BFSP2: variants seen among roughly 807,000 people sequenced by gnomAD.
BFSP2 encodes the protein beaded filament structural protein 2.
BFSP2 carries 38 observed loss-of-function variants against 44.9 expected under a neutral mutation model. That is an observed-to-expected ratio of 0.85 (90% confidence interval 0.65 to 1.11). The LOEUF is 1.11. Among genes scored for constraint, BFSP2 ranks in the 50% least tolerant of loss-of-function variants. BFSP2 has a pLI of 0.00. For synonymous variants in BFSP2, 197 were observed against 209.9 expected (o/e 0.94, Z 0.53); for missense variants, 525 against 533.0 (o/e 0.99, Z 0.15).
chr3:133,438,788 G>A (rs1272620326), intron 1 of BFSP2, among the ~76,000 whole-genome samples: 1 of 152,184 alleles, frequency 6.6e-6, no homozygotes, highest in African/African-American at 2.4e-5. Flanking sequence ...CCTCCCAGAT[G>A]GGGTGGAAGC....
intron 4 of BFSP2, among the ~76,000 whole-genome samples, chr3:133,457,947 A>G (rs2074027099): frequency 6.6e-6 from 1 of 152,232 alleles, no homozygotes; most frequent in South Asian, 2.1e-4. Flanking sequence ...GAAATTAGTC[A>G]CTAACATGGT....
At chr3:133,412,001 T>A (rs1323554311) in intron 1 of BFSP2, among the ~76,000 whole-genome samples, 2 of 152,224 alleles carry the variant, frequency 1.3e-5, no homozygotes, top group Non-Finnish European at 2.9e-5. Flanking sequence ...GAGAAAGTAT[T>A]ACGAAAGTAT....
intron 5 of BFSP2, among the ~76,000 whole-genome samples, chr3:133,469,922 A>G (rs1167709033): frequency 6.6e-6 from 1 of 152,242 alleles, no homozygotes; most frequent in Admixed American, 6.5e-5. Flanking sequence ...AGCAAAAACT[A>G]TAGACAGATG....
chr3:133,431,482 G>A (rs1366770901), intron 1 of BFSP2, among the ~76,000 whole-genome samples: 2 of 152,022 alleles, frequency 1.3e-5, no homozygotes, highest in African/African-American at 2.4e-5. Flanking sequence ...CCATCTGTGC[G>A]GGACCCCACT....
intron 4 of BFSP2, among the ~76,000 whole-genome samples, chr3:133,457,186 C>A (rs1021730873): frequency 3.3e-5 from 5 of 152,188 alleles, no homozygotes; most frequent in African/African-American, 1.2e-4. Context: ...CTCCTGTGTG[C>A]CAATGAGCTG....
intron 1 of BFSP2, among the ~76,000 whole-genome samples, chr3:133,402,678 T>C (rs1344112681): frequency 6.6e-6 from 1 of 151,498 alleles, no homozygotes; most frequent in Non-Finnish European, 1.5e-5. Flanking sequence ...TCTCATTCTG[T>C]CACCCAGGCT....
chr3:133,414,671 ACTC>A (rs1472124255), intron 1 of BFSP2, among the ~76,000 whole-genome samples: 1 of 21,276 alleles, frequency 4.7e-5, no homozygotes, highest in Non-Finnish European at 9.0e-5. Flanking sequence ...CCCTCTACTC[ACTC>A]CTCTACTCAC....
chr3:133,431,466 C>T (rs901800339), intron 1 of BFSP2, among the ~76,000 whole-genome samples: 2 of 152,128 alleles, frequency 1.3e-5, no homozygotes, highest in African/African-American at 2.4e-5. Flanking sequence ...CCTCCTAAGC[C>T]GTGTCCCATC....
chr3:133,473,603 C>A (rs1016889212), intron 6 of BFSP2, among the ~76,000 whole-genome samples: 1 of 150,994 alleles, frequency 6.6e-6, no homozygotes, highest in South Asian at 2.1e-4. Context: ...GAGGACCCTG[C>A]GGCCTTCCGC....
At chr3:133,405,977 G>A (rs2073400499) in intron 1 of BFSP2, among the ~76,000 whole-genome samples, 1 of 152,078 alleles carries the variant, frequency 6.6e-6, no homozygotes, top group Non-Finnish European at 1.5e-5. Context: ...TTTATTTTTT[G>A]ATATGGAGTC....
intron 3 of BFSP2, among the ~76,000 whole-genome samples, chr3:133,450,016 A>AGGAAGGAG (rs1225503133): frequency 0.031 from 2,861 of 92,860 alleles, 37 homozygotes; most frequent in East Asian, 0.059. Flanking sequence ...GAAGGAAGGA[A>AGGAAGGAG]GGAGGGAGGG....
intron 1 of BFSP2, among the ~76,000 whole-genome samples, chr3:133,438,722 T>A (rs9822873): frequency 6.6e-6 from 1 of 152,004 alleles, no homozygotes; most frequent in Non-Finnish European, 1.5e-5. Flanking sequence ...AACTACAAAA[T>A]AGAGCAAGGA....
chr3:133,457,962 C>T (rs1463802718), intron 4 of BFSP2, among the ~76,000 whole-genome samples: 1 of 152,158 alleles, frequency 6.6e-6, no homozygotes, highest in Non-Finnish European at 1.5e-5. Context: ...CATGGTATAC[C>T]TCTCATTTCC....
chr3:133,443,411 T>C (rs1010605503), intron 1 of BFSP2, among the ~76,000 whole-genome samples: 5 of 151,172 alleles, frequency 3.3e-5, no homozygotes, highest in African/African-American at 1.2e-4. Flanking sequence ...CATTTAGAGG[T>C]CAGATAAGGA....
chr3:133,418,259 A>G (rs1392696525), intron 1 of BFSP2, among the ~76,000 whole-genome samples: 1 of 151,934 alleles, frequency 6.6e-6, no homozygotes, highest in Non-Finnish European at 1.5e-5. Flanking sequence ...CATTTTCATC[A>G]TCTTCATTCC....
At chr3:133,462,531 T>C (rs2074073625) in intron 4 of BFSP2, among the ~76,000 whole-genome samples, 1 of 152,210 alleles carries the variant, frequency 6.6e-6, no homozygotes, top group Non-Finnish European at 1.5e-5. Flanking sequence ...CTCCATTCCT[T>C]CCCTGGCTTT....
chr3:133,459,892 C>T (rs1381839116), intron 4 of BFSP2, among the ~76,000 whole-genome samples: 2 of 152,212 alleles, frequency 1.3e-5, no homozygotes, highest in African/African-American at 4.8e-5. Context: ...GGTAGATCCT[C>T]CTCTTCTTCC....
intron 1 of BFSP2, among the ~76,000 whole-genome samples, chr3:133,435,576 G>A (rs2107910016): frequency 6.6e-6 from 1 of 152,288 alleles, no homozygotes; most frequent in Non-Finnish European, 1.5e-5. Flanking sequence ...GGCTGAGCTG[G>A]GCAAAACAGT....
At chr3:133,470,910 C>A (rs1458816022) in intron 5 of BFSP2, among the ~76,000 whole-genome samples, 1 of 152,198 alleles carries the variant, frequency 6.6e-6, no homozygotes, top group East Asian at 1.9e-4. Flanking sequence ...TCAAGGAAGG[C>A]TTCCTGGGGC....
Sources: allele counts gnomAD v4.1 joint callset (sites outside exome capture counted in the v4.1 genomes callset), GRCh38; gene constraint gnomAD v4.1.1; transcripts MANE v1.5; gene names NCBI Gene and HGNC (gene_info 2026-07-23, HGNC 2026-07-21).